The following ABL1 variants were observed in gnomAD, a reference collection of about 807,000 sequenced individuals.
ABL1 encodes tyrosine-protein kinase ABL1.
Under a neutral mutation model 94.7 loss-of-function variants are expected in ABL1, and 11 were observed. The observed-to-expected ratio is 0.12, with a 90% CI of 0.07 to 0.19. The LOEUF (loss-of-function observed/expected upper bound fraction) is 0.19. Ranked by LOEUF, ABL1 falls within the 10% of genes least tolerant of loss-of-function variation. ABL1 has a pLI of 1.00. For synonymous variants in ABL1, 656 were observed against 622.4 expected (o/e 1.05, Z -0.80); for missense variants, 1,082 against 1,489.4 (o/e 0.73, Z 4.50).
chr9:130,773,191 A>G (rs1039774717), intron 1 of ABL1, among the ~76,000 whole-genome samples: 1 of 152,056 alleles, frequency 6.6e-6, no homozygotes, highest in Non-Finnish European at 1.5e-5. Flanking sequence ...ATGGTGGCAC[A>G]TGCCTGTAAT....
intron 1 of ABL1, among the ~76,000 whole-genome samples, chr9:130,754,989 GT>G (rs1385700129): frequency 6.6e-6 from 1 of 152,134 alleles, no homozygotes; most frequent in Non-Finnish European, 1.5e-5. Context: ...ATGACCTTGA[GT>G]ACCAAGCCAA....
rs138446676 is a variant in ABL1 at position 130,730,046 on chromosome 9, C to CTTTTTTTTTTTTTTTTT, written c.136+15605_136+15606insTTTTTTTTTTTTTTTTT. ...GCGTGAGCCACTGCGCCCAGCCAGA[C>CTTTTTTTTTTTTTTTTT]TTTTTTTTTTTTTTGAGATGGAATT... On this transcript the variant is annotated intron_variant, in intron 1 of 10. Transcript: ENST00000372348. Among the ~76,000 whole-genome samples the CTTTTTTTTTTTTTTTTT allele has an allele frequency of 3.6e-3, 384 of 107,112 alleles. 37 individuals are homozygous for CTTTTTTTTTTTTTTTTT. Among genetic ancestry groups the CTTTTTTTTTTTTTTTTT allele is most frequent in the African/African-American group, 0.013 (325 of 25,460 alleles). The allele number at this position is 107,112 out of a possible 152,430, so 70.3% of individuals were successfully genotyped here.
intron 1 of ABL1, among the ~76,000 whole-genome samples, chr9:130,714,947 C>G (rs991190149): frequency 8.5e-5 from 13 of 152,290 alleles, no homozygotes; most frequent in African/African-American, 3.1e-4. Flanking sequence ...CCTTTTCCTT[C>G]GTAAGTAGGA....
rs575868088 is a variant in ABL1, at chr9:130,753,769, C to T, written c.136+39314C>T. Among the ~76,000 whole-genome samples, 4 of 151,778 alleles carry T rather than the reference C, an allele frequency of 2.6e-5. No individual in the cohort carries two copies. The East Asian group carries it at 7.8e-4, about 30-fold the overall frequency. On this transcript the variant is annotated intron_variant, in intron 1 of 10. Transcript: ENST00000372348. ...CTTTAGAGCAAAGATTGTGTCATAACCCCGGCACCTAGTATCATGCCTATT... is the reference window on the plus strand; with the variant it reads ...CTTTAGAGCAAAGATTGTGTCATAATCCCGGCACCTAGTATCATGCCTATT...
At chr9:130,748,050 C>A (rs1831909582) in intron 1 of ABL1, among the ~76,000 whole-genome samples, 1 of 152,200 alleles carries the variant, frequency 6.6e-6, no homozygotes, top group African/African-American at 2.4e-5. Flanking sequence ...GTATCCTCGG[C>A]TGAACTGGCT....
At chr9:130,841,823 T>C (rs1181851420) in intron 1 of ABL1, among the ~76,000 whole-genome samples, 2 of 151,626 alleles carry the variant, frequency 1.3e-5, no homozygotes, top group East Asian at 3.9e-4. Context: ...AAAAAAAAAG[T>C]TGGTTTTCAA....
intron 1 of ABL1, among the ~76,000 whole-genome samples, chr9:130,798,644 T>G (rs1225478866): frequency 2.0e-5 from 3 of 152,134 alleles, no homozygotes; most frequent in Non-Finnish European, 4.4e-5. Flanking sequence ...TCTCCAGGCC[T>G]CTTCCCACAG....
intron 1 of ABL1, among the ~76,000 whole-genome samples, chr9:130,716,726 G>C (rs1831445876): frequency 1.3e-5 from 2 of 152,110 alleles, no homozygotes; most frequent in Admixed American, 6.6e-5. Context: ...TAGCTTTCCA[G>C]TGAAAATTAG....
chr9:130,835,759 C>T lies in ABL1; in HGVS notation c.79+234C>T, dbSNP rs72765058. 1.7e-4 allele frequency among the ~76,000 whole-genome samples: 7 copies of T among 41,838 alleles called. No individual in the cohort carries two copies. The East Asian group carries it at 4.4e-3, about 26-fold the overall frequency. The allele number at this position is 41,838 out of a possible 152,430, so 27.4% of individuals were successfully genotyped here. A position where few individuals can be genotyped will look rare whatever the true frequency, so the allele number is the denominator to read the frequency against. ...TTCTCTTGTCTCTCTCTTTTTCTCT[C>T]TCTCTGTCTCTTTCTCTTTCTCGCG... On this transcript the variant is annotated intron_variant, in intron 1 of 10. Transcript: ENST00000318560. This position sits in a 1 kb window ranked among gnomAD's most constrained non-coding sequence, Gnocchi z 4.6.
intron 1 of ABL1, among the ~76,000 whole-genome samples, chr9:130,809,031 C>A (rs936430975): frequency 4.6e-5 from 7 of 152,156 alleles, no homozygotes; most frequent in African/African-American, 1.7e-4. Context: ...CATCAGCAGG[C>A]CCCAGCAGTC....
intron 1 of ABL1, among the ~76,000 whole-genome samples, chr9:130,787,629 AG>A (rs1192419345): frequency 3.3e-5 from 5 of 152,192 alleles, no homozygotes; most frequent in Non-Finnish European, 7.4e-5. Context: ...TCCGGTATTG[AG>A]GGGTGCTCTC....
intron 1 of ABL1, among the ~76,000 whole-genome samples, chr9:130,733,885 T>C (rs995169297): frequency 4.3e-4 from 65 of 152,274 alleles, no homozygotes; most frequent in Admixed American, 5.9e-4. Flanking sequence ...CCACTACGCC[T>C]GGCCTGTAAA....
At chr9:130,815,957 G>T (rs1312201597) in intron 1 of ABL1, among the ~76,000 whole-genome samples, 1 of 152,226 alleles carries the variant, frequency 6.6e-6, no homozygotes, top group Non-Finnish European at 1.5e-5. Flanking sequence ...GGTGGAGGTT[G>T]CAGTGAGCCA....
rs1386146575 is a variant in ABL1, at chr9:130,872,679, C to G, written c.908-181C>G. ...ACTGGCTTGAGAAGAAGAAAAGAGC[C>G]TGGCCATGTCCCTCCCACACGAGCA... On this transcript the variant is annotated intron_variant, in intron 5 of 10. Coordinates refer to ENST00000318560, the MANE Select transcript of ABL1 (RefSeq NM_005157.6). The surrounding 1 kb of genome is among the most constrained non-coding windows in gnomAD (Gnocchi z 5.0). Among the ~76,000 whole-genome samples, 1 of 152,170 alleles carries G rather than the reference C, an allele frequency of 6.6e-6. No homozygotes were observed. Among genetic ancestry groups the G allele is most frequent in the African/African-American group, 2.4e-5 (1 of 41,448 alleles).
chr9:130,780,176 A>T (rs534033171), intron 1 of ABL1, among the ~76,000 whole-genome samples: 1 of 152,026 alleles, frequency 6.6e-6, no homozygotes, highest in Non-Finnish European at 1.5e-5. Context: ...AATCCCAGCT[A>T]CTCTGGAGGC....
At chr9:130,782,052 T>C (rs898213385) in intron 1 of ABL1, among the ~76,000 whole-genome samples, 3 of 125,960 alleles carry the variant, frequency 2.4e-5, no homozygotes, top group Non-Finnish European at 5.3e-5. Flanking sequence ...GTGAGTGATA[T>C]TTTCTTTTTC....
intron 1 of ABL1, among the ~76,000 whole-genome samples, chr9:130,754,781 C>T (rs192443095): frequency 6.6e-6 from 1 of 152,234 alleles, no homozygotes; most frequent in East Asian, 1.9e-4. Flanking sequence ...CTTCTCAGCA[C>T]TCTTCCTTTT....
intron 1 of ABL1, among the ~76,000 whole-genome samples, chr9:130,777,009 G>A (rs1434969932): frequency 3.3e-5 from 5 of 151,566 alleles, no homozygotes; most frequent in African/African-American, 9.7e-5. Flanking sequence ...TTTTATTTTG[G>A]CAGTCATACT....
intron 1 of ABL1, among the ~76,000 whole-genome samples, chr9:130,818,199 G>A (rs1243559298): frequency 1.3e-5 from 2 of 152,184 alleles, no homozygotes; most frequent in African/African-American, 2.4e-5. Context: ...GCCAGGCTGG[G>A]TGGCTTATGC....
Sources: allele counts gnomAD v4.1 joint callset (sites outside exome capture counted in the v4.1 genomes callset), GRCh38; gene constraint gnomAD v4.1.1; non-coding constraint Gnocchi (gnomAD v3.1); transcripts MANE v1.5; gene names NCBI Gene and HGNC (gene_info 2026-07-23, HGNC 2026-07-21).